Variants in CCDC39 observed in about 807,000 individuals in gnomAD.
CCDC39 encodes coiled-coil domain-containing protein 39.
Under a neutral mutation model 121.0 loss-of-function variants are expected in CCDC39, and 113 were observed. The ratio of observed to expected loss-of-function variants is 0.93; its 90% CI spans 0.80 to 1.09. The LOEUF is 1.09. Ranked by LOEUF, CCDC39 falls within the 50% of genes least tolerant of loss-of-function variation. The pLI is 0.00. For synonymous variants in CCDC39, 349 were observed against 352.2 expected, an observed-to-expected ratio of 0.99 and a Z score of 0.10; for missense variants, 1,063 against 1,074.7, an observed-to-expected ratio of 0.99 and a Z score of 0.15.
At position 180,654,857 on chromosome 3, in the gene CCDC39, A is replaced by C; in HGVS notation, c.835T>G (p.Phe279Val). The change falls in exon 7 of 20, where the codon TTT becomes GTT. Residue 279 changes from phenylalanine to valine, a missense_variant. Coordinates refer to ENST00000476379, the MANE Select transcript of CCDC39 (RefSeq NM_181426.2). ...LESEIGNNTE[F>V]EKRISVADRK... ...TCAGCCACAGAAATTCTTTTCTCAAACTCTGTGTTATTCCCAATCTCACTT... is the reference window on the plus strand; with the variant it reads ...TCAGCCACAGAAATTCTTTTCTCAACCTCTGTGTTATTCCCAATCTCACTT... 6.2e-7 allele frequency: 1 copy of C among 1,607,546 alleles called. No individual in the cohort carries two copies. Among genetic ancestry groups the C allele is most frequent in the Non-Finnish European group, 8.5e-7 (1 of 1,177,456 alleles).
rs377703572 is a variant in CCDC39, at chr3:180,660,712, G to A, written c.374C>T (p.Ala125Val). ...TTTCAAACCATCCAATTTTTGAGTGGCTTTAAATATGCCATTCTAATTTCC... is the reference window on the plus strand; with the variant it reads ...TTTCAAACCATCCAATTTTTGAGTGACTTTAAATATGCCATTCTAATTTCC... ...KSDKENGIFK[A>V]TQKLDGLKCQ... The change falls in exon 4 of 20, where the codon GCC becomes GTC. Residue 125 changes from alanine (A) to valine (V), a missense_variant. Coordinates refer to ENST00000476379, the MANE Select transcript of CCDC39 (RefSeq NM_181426.2). 20 of 1,600,960 alleles carry A rather than the reference G, an allele frequency of 1.2e-5. No individual in the cohort carries two copies. The African/African-American group carries it at 2.1e-4, about 17-fold the overall frequency.
intron 1 of CCDC39, among the ~76,000 whole-genome samples, chr3:180,677,889 G>A (rs1712280061): frequency 1.3e-5 from 2 of 152,012 alleles, no homozygotes; most frequent in Admixed American, 1.3e-4. Context: ...AAATTTACAG[G>A]AGTTGCTTTT....
At chr3:180,624,815 T>C (rs1261398281) in intron 14 of CCDC39, among the ~76,000 whole-genome samples, 1 of 152,200 alleles carries the variant, frequency 6.6e-6, no homozygotes, top group African/African-American at 2.4e-5. Flanking sequence ...TTGTTTTTGT[T>C]TTCCTTTTAG....
At chr3:180,624,752 G>A (rs1717518244) in intron 14 of CCDC39, among the ~76,000 whole-genome samples, 1 of 152,038 alleles carries the variant, frequency 6.6e-6, no homozygotes, top group Non-Finnish European at 1.5e-5. Context: ...TATTCTTGCT[G>A]GATATAAAAT....
At chr3:180,658,654 C>T (rs1711655228) in intron 6 of CCDC39, among the ~76,000 whole-genome samples, 1 of 151,846 alleles carries the variant, frequency 6.6e-6, no homozygotes, top group Non-Finnish European at 1.5e-5. Flanking sequence ...TCTCCTTTGT[C>T]CCTCCTAGGG....
chr3:180,654,237 AAAAAAG>A (rs1160204916), intron 7 of CCDC39, among the ~76,000 whole-genome samples: 27 of 150,608 alleles, frequency 1.8e-4, no homozygotes, highest in Middle Eastern at 3.4e-3. Context: ...AAAAAAAAAA[AAAAAAG>A]AGAGAAAGAA....
chr3:180,642,177 A>G lies in CCDC39; in HGVS notation c.1690T>C (p.Leu564=), dbSNP rs756871609. 6.2e-7 allele frequency: 1 copy of G among 1,605,438 alleles called. No individual in the cohort carries two copies. Among genetic ancestry groups the G allele is most frequent in the East Asian group, 2.2e-5 (1 of 44,734 alleles). ...CGAGTACGCTTAACTTCAAGTTTTA[A>G]AAGATTGTCCTCTATCATCAAATCC... ...KQDLMIEDNL[L]KLEVKRTREM... is the part of the protein sequence containing the mutation. The change falls in exon 13 of 20, where the codon TTA becomes CTA. Residue 564 remains leucine (L), a synonymous_variant. Coordinates refer to ENST00000476379, the MANE Select transcript of CCDC39 (RefSeq NM_181426.2).
intron 16 of CCDC39, chr3:180,617,341 T>G (rs1717283543): frequency 1.2e-5 from 6 of 509,966 alleles, no homozygotes. Context: ...ATTACTGATT[T>G]ATGTATTTAC....
chr3:180,661,803 T>A (rs1711748259), intron 3 of CCDC39, 58 bp downstream of exon 3: 1 of 1,464,536 alleles, frequency 6.8e-7, no homozygotes, highest in East Asian at 2.5e-5. Context: ...TCAATGCTCA[T>A]TTGGTGATGG....
intron 9 of CCDC39, among the ~76,000 whole-genome samples, chr3:180,649,023 G>A (rs772405834): frequency 3.9e-5 from 6 of 152,146 alleles, no homozygotes; most frequent in Non-Finnish European, 8.8e-5. Flanking sequence ...AGTAATGAGT[G>A]CTGAGTATGT....
intron 14 of CCDC39, among the ~76,000 whole-genome samples, chr3:180,621,693 T>G (rs1245772126): frequency 6.6e-6 from 1 of 152,094 alleles, no homozygotes; most frequent in African/African-American, 2.4e-5. Flanking sequence ...ATAAGCATAC[T>G]TTCCCCAGTG....
intron 14 of CCDC39, among the ~76,000 whole-genome samples, chr3:180,627,955 T>C (rs1281850874): frequency 6.6e-6 from 1 of 152,174 alleles, no homozygotes; most frequent in African/African-American, 2.4e-5. Context: ...TAATCTGATA[T>C]AACTGGTATC....
At position 180,648,360 on chromosome 3, in the gene CCDC39, C is replaced by T. The variant is rs771629166; in HGVS notation, c.1168-1G>A. The T allele has an allele frequency of 6.5e-7, 1 of 1,531,900 alleles. No individual in the cohort carries two copies. The highest frequency in any genetic ancestry group is 8.8e-7 in the Non-Finnish European group (1 of 1,136,252). The allele number at this position is 1,531,900 out of a possible 1,614,324, so 94.9% of individuals were successfully genotyped here. On this transcript the variant is annotated splice_acceptor_variant, in intron 9 of 19. Transcript: ENST00000476379. LOFTEE classifies it high-confidence loss of function. ...TGAGGTTCAGTTGAACATCTACTTCCTGATAATGAGAATTATAGTGATTAA... is the reference window on the plus strand; with the variant it reads ...TGAGGTTCAGTTGAACATCTACTTCTTGATAATGAGAATTATAGTGATTAA...
chr3:180,670,558 C>G (rs1712011678), intron 1 of CCDC39, among the ~76,000 whole-genome samples: 1 of 151,384 alleles, frequency 6.6e-6, no homozygotes, highest in Admixed American at 6.6e-5. Context: ...ACACACTTTA[C>G]TGATTTTATT....
At chr3:180,660,500 C>T in intron 4 of CCDC39, 70 bp downstream of exon 4, 1 of 1,327,236 alleles carries the variant, frequency 7.5e-7, no homozygotes, top group Non-Finnish European at 1.0e-6. Context: ...CTAAGTATAA[C>T]TTTAGGTAAA....
In CCDC39 at chr3:180,642,135, T is replaced by C. The variant is rs766334909; in HGVS notation, c.1732A>G (p.Lys578Glu). The part of the protein sequence containing the change: ...VKRTREMLHS[K>E]AEEVLSLEKR... The stretch of plus-strand genomic sequence containing the variant: ...TCTAGGGAAAGAACTTCTTCTGCCT[T>C]ACTGTGAAGCATTTCTCGAGTACGC... The change falls in exon 13 of 20, where the codon AAG becomes GAG. Residue 578 changes from lysine (K) to glutamate (E), a missense_variant. Lys to Glu is a moderately conservative substitution (Grantham distance 56). Transcript: ENST00000476379. The C allele has an allele frequency of 1.2e-5, 20 of 1,612,896 alleles. No individual in the cohort carries two copies. Among genetic ancestry groups the C allele is most frequent in the Admixed American group, 1.7e-5 (1 of 59,986 alleles).
chr3:180,667,622 G>C (rs1711921095), intron 1 of CCDC39, among the ~76,000 whole-genome samples: 1 of 152,092 alleles, frequency 6.6e-6, no homozygotes, highest in African/African-American at 2.4e-5. Context: ...TATCTGTTCT[G>C]ACTGCACCAC....
intron 10 of CCDC39, among the ~76,000 whole-genome samples, chr3:180,647,874 G>A (rs984960328): frequency 1.3e-5 from 2 of 151,852 alleles, no homozygotes; most frequent in African/African-American, 2.4e-5. Flanking sequence ...CAGATATCTC[G>A]TGCCTTCTTC....
At chr3:180,669,052 G>A (rs1035938063) in intron 1 of CCDC39, among the ~76,000 whole-genome samples, 6 of 152,170 alleles carry the variant, frequency 3.9e-5, no homozygotes, top group Non-Finnish European at 8.8e-5. Context: ...TCGTATGTGA[G>A]AGGAAGCAGA....
Sources: allele counts gnomAD v4.1 joint callset (sites outside exome capture counted in the v4.1 genomes callset), GRCh38; gene constraint gnomAD v4.1.1; transcripts MANE v1.5; gene names NCBI Gene and HGNC (gene_info 2026-07-23, HGNC 2026-07-21).